Variants in PRMT8 observed in about 807,000 individuals in gnomAD.
PRMT8 encodes protein arginine methyltransferase 8, also known as protein arginine N-methyltransferase 8.
A neutral mutation model predicts 47.1 loss-of-function variants in PRMT8; 7 were observed. That is an observed-to-expected ratio of 0.15 (90% CI 0.08 to 0.28). PRMT8 has a LOEUF of 0.28. Among genes scored for constraint, PRMT8 ranks in the 10% least tolerant of loss-of-function variants. The pLI, the probability that PRMT8 is intolerant of heterozygous loss-of-function variation, is 1.00. For missense variants in PRMT8, 237 were observed against 505.4 expected, an observed-to-expected ratio of 0.47 and a Z score of 5.09; for synonymous variants, 188 against 186.5, an observed-to-expected ratio of 1.01 and a Z score of -0.07.
At chr12:3,468,545 C>T (rs1865126925) in intron 1 of PRMT8, among the ~76,000 whole-genome samples, 2 of 152,224 alleles carry the variant, frequency 1.3e-5, no homozygotes, top group Admixed American at 1.3e-4. Context: ...TGGCATCAGG[C>T]CAATTCCTGG....
At chr12:3,561,395 C>G (rs1866634020) in intron 4 of PRMT8, among the ~76,000 whole-genome samples, 1 of 152,206 alleles carries the variant, frequency 6.6e-6, no homozygotes, top group Non-Finnish European at 1.5e-5. Flanking sequence ...TAACCTATAT[C>G]TGGTTGGTGG....
rs367787489 is a variant in PRMT8 at position 3,438,907 on chromosome 12, T to C, written c.48+57465T>C. On this transcript the variant is annotated intron_variant, in intron 1 of 9. Coordinates refer to the PRMT8 transcript ENST00000452611. ...TTGATGGTCATTTCTTTTTATTTTT[T>C]CTTTCCTTTTTTACAAGGGGAACAT... 2.2e-4 allele frequency among the ~76,000 whole-genome samples: 33 copies of C among 152,382 alleles called. 1 individual carries two copies. Among genetic ancestry groups the C allele is most frequent in the African/African-American group, 7.9e-4 (33 of 41,598 alleles).
intron 1 of PRMT8, among the ~76,000 whole-genome samples, chr12:3,522,821 A>C (rs1456010708): frequency 6.6e-6 from 1 of 152,072 alleles, no homozygotes; most frequent in South Asian, 2.1e-4. Context: ...AAAACAGAAA[A>C]AAATGAAACA....
chr12:3,582,962 ACAGACC>A, intron 7 of PRMT8, 90 bp from the exon 8 acceptor site: 6 of 1,429,596 alleles, frequency 4.2e-6, no homozygotes, highest in Non-Finnish European at 5.7e-6. Context: ...CAGAGAGCTG[ACAGACC>A]ACAGTCTCTC....
At chr12:3,431,569 T>G (rs777556886) in intron 1 of PRMT8, among the ~76,000 whole-genome samples, 1 of 151,688 alleles carries the variant, frequency 6.6e-6, no homozygotes, top group Non-Finnish European at 1.5e-5. Context: ...CTGGAGAGGA[T>G]GAAAAACCAC....
chr12:3,515,432 G>T (rs930199087), intron 1 of PRMT8, among the ~76,000 whole-genome samples: 6 of 152,140 alleles, frequency 3.9e-5, no homozygotes, highest in African/African-American at 1.4e-4. Context: ...GAGTTAATGG[G>T]TGCAGCACAC....
At position 3,583,776 on chromosome 12, in the gene PRMT8, C is replaced by G. The variant is rs1867117174; in HGVS notation, c.979+568C>G. ...TGCCTCGCTGCCTGCAGTAGATAAG[C>G]CTGGCAAATGGGGATCCCATGGCCT... On this transcript the variant is annotated intron_variant, in intron 8 of 9. Coordinates refer to ENST00000382622, the MANE Select transcript of PRMT8 (RefSeq NM_019854.5). The surrounding 1 kb of genome is among the most constrained non-coding windows in gnomAD (Gnocchi z 4.7). Among the ~76,000 whole-genome samples the G allele has an allele frequency of 6.6e-6, 1 of 152,264 alleles. No individual in the cohort carries two copies.
At chr12:3,521,053 C>G (rs1865872491) in intron 1 of PRMT8, among the ~76,000 whole-genome samples, 1 of 152,194 alleles carries the variant, frequency 6.6e-6, no homozygotes, top group Admixed American at 6.5e-5. Flanking sequence ...AAGTTAAACT[C>G]CGGCCTAATC....
intron 1 of PRMT8, among the ~76,000 whole-genome samples, chr12:3,524,765 G>A (rs1246916764): frequency 6.6e-6 from 1 of 152,116 alleles, no homozygotes; most frequent in Non-Finnish European, 1.5e-5. Context: ...TGCCCACTAG[G>A]GGATAAATTG....
intron 1 of PRMT8, among the ~76,000 whole-genome samples, chr12:3,412,253 G>A (rs986113030): frequency 6.6e-6 from 1 of 152,130 alleles, no homozygotes; most frequent in African/African-American, 2.4e-5. Flanking sequence ...GTGAAAATAT[G>A]GTATAAAAAG....
intron 4 of PRMT8, among the ~76,000 whole-genome samples, chr12:3,563,113 G>A (rs1315273008): frequency 6.6e-6 from 1 of 151,994 alleles, no homozygotes; most frequent in Non-Finnish European, 1.5e-5. Context: ...GGTGGGTGAT[G>A]ATCTCGGGTG....
intron 1 of PRMT8, among the ~76,000 whole-genome samples, chr12:3,523,847 A>T (rs565024801): frequency 3.9e-5 from 6 of 152,354 alleles, no homozygotes; most frequent in African/African-American, 1.4e-4. Flanking sequence ...TGTTCTCCAT[A>T]GGGAATATAA....
rs1051240127 is a variant in PRMT8, at chr12:3,456,302, G to A, written c.48+74860G>A. Among the ~76,000 whole-genome samples, 3 of 152,204 alleles carry A rather than the reference G, an allele frequency of 2.0e-5. No individual in the cohort carries two copies. The East Asian group carries it at 5.8e-4, about 29-fold the overall frequency. ...GGCCCAAACTACAGTTCCTCTGGGGGTGGTTCATTTACAAAGTGGAGCTAT... is the reference window on the plus strand; with the variant it reads ...GGCCCAAACTACAGTTCCTCTGGGGATGGTTCATTTACAAAGTGGAGCTAT... On this transcript the variant is annotated intron_variant, in intron 1 of 9. Coordinates refer to the PRMT8 transcript ENST00000452611. This position sits in a 1 kb window ranked among gnomAD's most constrained non-coding sequence, Gnocchi z 4.2.
At chr12:3,529,082 G>A (rs1865988196) in intron 1 of PRMT8, among the ~76,000 whole-genome samples, 1 of 152,136 alleles carries the variant, frequency 6.6e-6, no homozygotes, top group South Asian at 2.1e-4. Flanking sequence ...AGGCTTGCAG[G>A]GAACTCTTTA....
chr12:3,485,586 A>C (rs1865315424), intron 1 of PRMT8, among the ~76,000 whole-genome samples: 1 of 152,244 alleles, frequency 6.6e-6, no homozygotes, highest in Admixed American at 6.5e-5. Context: ...TTATCCATAC[A>C]GTGAGATGTT....
At chr12:3,462,546 A>C (rs1865053154) in intron 1 of PRMT8, among the ~76,000 whole-genome samples, 1 of 152,048 alleles carries the variant, frequency 6.6e-6, no homozygotes, top group African/African-American at 2.4e-5. Context: ...TATATAGCTC[A>C]AAAGAAGGAG....
At chr12:3,562,803 C>T (rs977051136) in intron 4 of PRMT8, among the ~76,000 whole-genome samples, 16 of 152,154 alleles carry the variant, frequency 1.1e-4, no homozygotes, top group African/African-American at 3.1e-4. Context: ...GTGGGAAGAG[C>T]GTTTTACCTG....
intron 1 of PRMT8, among the ~76,000 whole-genome samples, chr12:3,468,034 A>G (rs1391288096): frequency 6.6e-6 from 1 of 152,232 alleles, no homozygotes; most frequent in African/African-American, 2.4e-5. Flanking sequence ...ATTAAAAACC[A>G]TCAAGAACTC....
intron 1 of PRMT8, among the ~76,000 whole-genome samples, chr12:3,442,269 G>A (rs1370802128): frequency 6.6e-6 from 1 of 152,104 alleles, no homozygotes; most frequent in African/African-American, 2.4e-5. Flanking sequence ...AAGAGCTAAC[G>A]ATAGGGTGGC....
Sources: allele counts gnomAD v4.1 joint callset (sites outside exome capture counted in the v4.1 genomes callset), GRCh38; gene constraint gnomAD v4.1.1; non-coding constraint Gnocchi (gnomAD v3.1); transcripts MANE v1.5; gene names NCBI Gene and HGNC (gene_info 2026-07-23, HGNC 2026-07-21).